Variants in GLIS3 observed in about 807,000 individuals in gnomAD.
The protein encoded by GLIS3 is GLIS family zinc finger 3.
Under a neutral mutation model 78.6 loss-of-function variants are expected in GLIS3, and 53 were observed. The observed-to-expected ratio is 0.67, with a 90% CI of 0.54 to 0.85. GLIS3 has a LOEUF of 0.85. GLIS3 is among the 40% of genes least tolerant of loss of function. The pLI, the probability that GLIS3 is intolerant of heterozygous loss-of-function variation, is 0.00. For synonymous variants in GLIS3, 684 were observed against 509.9 expected (o/e 1.34, Z -4.60); for missense variants, 1,703 against 1,231.1 (o/e 1.38, Z -5.74).
intron 2 of GLIS3, among the ~76,000 whole-genome samples, chr9:4,279,543 G>C (rs1827365311): frequency 6.6e-6 from 1 of 151,454 alleles, no homozygotes; most frequent in Non-Finnish European, 1.5e-5. Context: ...TGAAGACCTG[G>C]TTTAAGAAAA....
At chr9:3,855,914 C>T (rs1010516102) in intron 9 of GLIS3, 95 bp downstream of exon 9, 2 of 1,330,852 alleles carry the variant, frequency 1.5e-6, no homozygotes, top group African/African-American at 1.4e-5. Context: ...TGGTGTAGAA[C>T]AGAGCATCTG....
At chr9:4,036,296 C>A (rs1588504733) in intron 4 of GLIS3, among the ~76,000 whole-genome samples, 1 of 151,972 alleles carries the variant, frequency 6.6e-6, no homozygotes, top group Admixed American at 6.6e-5. Flanking sequence ...TCAGGCCTTG[C>A]CCTACTCTAA....
At chr9:4,086,487 T>C (rs913687321) in intron 4 of GLIS3, among the ~76,000 whole-genome samples, 8 of 152,176 alleles carry the variant, frequency 5.3e-5, no homozygotes, top group African/African-American at 1.7e-4. Flanking sequence ...CTGGCACATA[T>C]GCAGAATGTT....
At chr9:3,941,003 T>C (rs562499107) in intron 4 of GLIS3, among the ~76,000 whole-genome samples, 2 of 152,260 alleles carry the variant, frequency 1.3e-5, no homozygotes, top group Admixed American at 6.5e-5. Flanking sequence ...TTGTCAGATA[T>C]ACACATTCTC....
At chr9:4,318,087 A>G (rs1309745755) in intron 2 of GLIS3, among the ~76,000 whole-genome samples, 2 of 152,206 alleles carry the variant, frequency 1.3e-5, no homozygotes, top group Non-Finnish European at 2.9e-5. Flanking sequence ...GCAGCTGGGA[A>G]AGGAGGAAGC....
rs866024181 is a variant in GLIS3 at position 4,288,432 on chromosome 9, T to C, written c.-98-1909A>G. On this transcript the variant is annotated intron_variant, in intron 1 of 10. Coordinates refer to ENST00000381971, the MANE Select transcript of GLIS3 (RefSeq NM_001042413.2). ...TGAGTCACTAAGACCATGGTCCAAG[T>C]GACAAGTGTCTGCAGATTTTCAGAC... Among the ~76,000 whole-genome samples the C allele has an allele frequency of 7.2e-5, 11 of 152,300 alleles. No individual in the cohort carries two copies. The Middle Eastern group carries it at 0.017, about 235-fold the overall frequency.
the GLIS3 span, among the ~76,000 whole-genome samples, chr9:4,370,438 G>C: frequency 6.6e-6 from 1 of 152,014 alleles, no homozygotes; most frequent in Non-Finnish European, 1.5e-5. Context: ...ATTTTCAGCT[G>C]TAAATATAGG....
At chr9:4,388,486 G>A in the GLIS3 span, among the ~76,000 whole-genome samples, 1 of 152,080 alleles carries the variant, frequency 6.6e-6, no homozygotes, top group Non-Finnish European at 1.5e-5. Flanking sequence ...AGAGCATCCT[G>A]ACCAATTGGT....
intron 2 of GLIS3, among the ~76,000 whole-genome samples, chr9:4,284,812 G>A (rs1827846261): frequency 6.6e-6 from 1 of 152,026 alleles, no homozygotes; most frequent in Non-Finnish European, 1.5e-5. Flanking sequence ...CAGCTACTTG[G>A]GGGACTGAAG....
At chr9:4,315,200 G>A (rs566461119) in intron 2 of GLIS3, among the ~76,000 whole-genome samples, 1 of 152,138 alleles carries the variant, frequency 6.6e-6, no homozygotes, top group African/African-American at 2.4e-5. Flanking sequence ...ATGTGTCCCA[G>A]ATGCATTTCC....
the GLIS3 span, among the ~76,000 whole-genome samples, chr9:4,481,048 G>A: frequency 6.6e-6 from 1 of 152,136 alleles, no homozygotes; most frequent in East Asian, 1.9e-4. Flanking sequence ...TAGAGACAGG[G>A]TTTTTCCATG....
chr9:4,271,047 C>A (rs747544251), intron 2 of GLIS3, among the ~76,000 whole-genome samples: 4 of 152,026 alleles, frequency 2.6e-5, no homozygotes, highest in African/African-American at 4.8e-5. Context: ...TCCTCTTCCT[C>A]CTTCTCCTCA....
intron 2 of GLIS3, among the ~76,000 whole-genome samples, chr9:4,189,977 C>G (rs547086959): frequency 1.1e-3 from 171 of 152,248 alleles, no homozygotes; most frequent in African/African-American, 3.2e-3. Flanking sequence ...AGGGTCCTGT[C>G]TGTTAGAAGG....
intron 2 of GLIS3, among the ~76,000 whole-genome samples, chr9:4,325,725 T>C (rs1205170641): frequency 1.3e-5 from 2 of 152,226 alleles, no homozygotes; most frequent in Non-Finnish European, 2.9e-5. Flanking sequence ...TTTTTATTTT[T>C]TTCATCTATC....
chr9:4,417,248 G>C, the GLIS3 span, among the ~76,000 whole-genome samples: 1 of 152,128 alleles, frequency 6.6e-6, no homozygotes, highest in African/African-American at 2.4e-5. Flanking sequence ...AATGACTCAC[G>C]GTTAACATGC....
chr9:3,888,788 G>A (rs1191804185), intron 7 of GLIS3, among the ~76,000 whole-genome samples: 2 of 152,146 alleles, frequency 1.3e-5, no homozygotes, highest in African/African-American at 2.4e-5. Context: ...AGGTACTCAC[G>A]TGCTGTCATG....
At chr9:3,867,662 G>A (rs767763816) in intron 8 of GLIS3, among the ~76,000 whole-genome samples, 1 of 152,042 alleles carries the variant, frequency 6.6e-6, no homozygotes, top group African/African-American at 2.4e-5. Flanking sequence ...TTCTGCCTCT[G>A]TACTGCTCAC....
chr9:4,035,088 A>G (rs1245277523), intron 4 of GLIS3: 2 of 152,198 alleles, frequency 1.3e-5, no homozygotes, highest in African/African-American at 4.8e-5. Flanking sequence ...AAGCAGCAAC[A>G]CTAGTCTAAA....
At chr9:4,084,829 G>A (rs1828885748) in intron 4 of GLIS3, among the ~76,000 whole-genome samples, 1 of 151,952 alleles carries the variant, frequency 6.6e-6, no homozygotes, top group African/African-American at 2.4e-5. Flanking sequence ...CCATTAATCT[G>A]TACATCTCAA....
Sources: gnomAD v4.1 joint callset for allele counts (sites outside exome capture counted in the v4.1 genomes callset) on GRCh38, gnomAD v4.1.1 for gene constraint, MANE v1.5 for transcripts, NCBI Gene and HGNC (gene_info 2026-07-23, HGNC 2026-07-21) for gene names.